Variants in ABCB4 observed in about 807,000 individuals in gnomAD.
ABCB4 encodes ATP binding cassette subfamily B member 4, also known as phosphatidylcholine translocator ABCB4.
In ABCB4, 76 loss-of-function variants were observed where a neutral mutation model predicts 145.7. The observed-to-expected ratio is 0.52, with a 90% CI of 0.43 to 0.63. ABCB4 has a LOEUF of 0.63. Ranked by LOEUF, ABCB4 falls within the 30% of genes least tolerant of loss-of-function variation. ABCB4 has a pLI of 0.00. For synonymous variants in ABCB4, 517 were observed against 566.8 expected, an observed-to-expected ratio of 0.91 and a Z score of 1.25; for missense variants, 1,234 against 1,553.1, an observed-to-expected ratio of 0.79 and a Z score of 3.45.
intron 15 of ABCB4, among the ~76,000 whole-genome samples, chr7:87,427,631 T>C (rs1020387720): frequency 3.3e-5 from 5 of 152,200 alleles, no homozygotes; most frequent in Non-Finnish European, 7.3e-5. Flanking sequence ...CACATCTTAA[T>C]AGTTTGTTCA....
Position 87,471,226 on chromosome 7 carries a change from G to A in ABCB4, c.135+1395C>T, listed in dbSNP as rs529708006. Reference sequence around the variant, plus strand: ...ACCGGGGCCTATTGTGGGGTGGGGGGATGGGGGAGGGATAGCATTAGGAGA... The same window carrying A: ...ACCGGGGCCTATTGTGGGGTGGGGGAATGGGGGAGGGATAGCATTAGGAGA... On this transcript the variant is annotated intron_variant, in intron 3 of 27. Transcript: ENST00000649586. 3.7e-3 allele frequency among the ~76,000 whole-genome samples: 559 copies of A among 149,702 alleles called. 2 individuals carry two copies. The highest frequency in any genetic ancestry group is 0.013 in the African/African-American group (525 of 40,832).
At position 87,437,269 on chromosome 7, in the gene ABCB4, A is replaced by G. The variant is rs45547643; in HGVS notation, c.1731+2398T>C. On this transcript the variant is annotated intron_variant, in intron 14 of 27. Coordinates refer to ENST00000649586, the MANE Select transcript of ABCB4 (RefSeq NM_000443.4). ...GTACACTGCCCTGAAACTTTCATAT[A>G]AGGAAGCCAGGTTAGCCTATTGTAT... 8.2e-3 allele frequency among the ~76,000 whole-genome samples: 1,247 copies of G among 152,252 alleles called. 18 individuals carry two copies. Among genetic ancestry groups the G allele is most frequent in the African/African-American group, 0.029 (1,188 of 41,540 alleles).
At chr7:87,371,779 C>A in the ABCB4 span, among the ~76,000 whole-genome samples, 1 of 151,862 alleles carries the variant, frequency 6.6e-6, no homozygotes, top group African/African-American at 2.4e-5. Flanking sequence ...TCACTTAAGG[C>A]CAAGAGTTGA....
the ABCB4 span, among the ~76,000 whole-genome samples, chr7:87,396,031 C>T: frequency 1.2e-4 from 18 of 152,216 alleles, no homozygotes; most frequent in East Asian, 2.9e-3. Flanking sequence ...AAAACTATGT[C>T]CAGATGTACA....
chr7:87,433,693 T>TTTTTTTA, intron 14 of ABCB4, among the ~76,000 whole-genome samples: 1 of 150,166 alleles, frequency 6.7e-6, no homozygotes. Context: ...TTTTTTTTTT[T>TTTTTTTA]TCAGAGCTCC....
chr7:87,420,969 AAAGG>A (rs1809375235), intron 18 of ABCB4, among the ~76,000 whole-genome samples: 1 of 152,202 alleles, frequency 6.6e-6, no homozygotes, highest in Admixed American at 6.5e-5. Context: ...CATGCAGTGT[AAAGG>A]AAGGATGACC....
At chr7:87,367,863 T>C in the ABCB4 span, among the ~76,000 whole-genome samples, 1 of 152,194 alleles carries the variant, frequency 6.6e-6, no homozygotes. Flanking sequence ...TCTTAGATTG[T>C]TCTCACCTGG....
chr7:87,399,206 G>A (rs1163429715), downstream of ABCB4: 1 of 153,398 alleles, frequency 6.5e-6, no homozygotes, highest in African/African-American at 2.4e-5. Flanking sequence ...TGGGTGCAGT[G>A]GCTCATGCCT....
chr7:87,383,030 A>G, the ABCB4 span, among the ~76,000 whole-genome samples: 1 of 152,112 alleles, frequency 6.6e-6, no homozygotes, highest in East Asian at 1.9e-4. Context: ...GATTTTTTTG[A>G]TACATGCATA....
Position 87,468,941 on chromosome 7 carries a change from T to TAAATAAAATAAGATAAAATAAGATA in ABCB4, c.135+3679_135+3680insTATCTTATTTTATCTTATTTTATTT, listed in dbSNP as rs1554416071. Among the ~76,000 whole-genome samples, 123 of 138,934 alleles carry TAAATAAAATAAGATAAAATAAGATA rather than the reference T, an allele frequency of 8.9e-4. 2 individuals are homozygous for TAAATAAAATAAGATAAAATAAGATA. The highest frequency in any genetic ancestry group is 3.1e-3 in the African/African-American group (108 of 34,574). 91.1% of individuals were successfully genotyped at this position (138,934 alleles called of 152,430 possible). A position where few individuals can be genotyped will look rare whatever the true frequency, so the allele number is the denominator to read the frequency against. ...GCGCAACTCCGTCTCAAAAAATAAA[T>TAAATAAAATAAGATAAAATAAGATA]AAATAAAATAAAATAAAATAAAATA... is the stretch of plus-strand genomic sequence containing the variant. On this transcript the variant is annotated intron_variant, in intron 3 of 27. Transcript: ENST00000649586.
the ABCB4 span, among the ~76,000 whole-genome samples, chr7:87,373,616 A>T: frequency 2.6e-5 from 4 of 152,146 alleles, no homozygotes; most frequent in African/African-American, 9.7e-5. Context: ...CAGGAATCGA[A>T]GTAGAGATAT....
At chr7:87,370,195 T>G in the ABCB4 span, among the ~76,000 whole-genome samples, 1 of 152,218 alleles carries the variant, frequency 6.6e-6, no homozygotes. Context: ...AAAATAATTT[T>G]TTTTTTGAGA....
intron 10 of ABCB4, 87 bp from the exon 11 acceptor site, chr7:87,443,860 T>A: frequency 1.0e-6 from 1 of 986,428 alleles, no homozygotes; most frequent in Non-Finnish European, 1.6e-6. Context: ...ATTCCAAAAA[T>A]AGGACCTGGA....
chr7:87,450,157 A>G, intron 7 of ABCB4, 65 bp from the exon 8 acceptor site: 1 of 1,596,186 alleles, frequency 6.3e-7, no homozygotes, highest in Non-Finnish European at 8.6e-7. Context: ...ACTCTGGTCA[A>G]CCCTTTAACC....
downstream of ABCB4, chr7:87,398,301 T>TC: frequency 1.5e-6 from 1 of 667,486 alleles, no homozygotes; most frequent in Non-Finnish European, 2.7e-6. Context: ...GCTAATTTGT[T>TC]CCCCTTTGTC....
intron 14 of ABCB4, among the ~76,000 whole-genome samples, chr7:87,432,049 T>C (rs1266907307): frequency 6.6e-6 from 1 of 152,196 alleles, no homozygotes; most frequent in Non-Finnish European, 1.5e-5. Context: ...GGTGAAAATG[T>C]ACCTTGGGAT....
At chr7:87,382,424 A>C in the ABCB4 span, 1 of 1,613,242 alleles carries the variant, frequency 6.2e-7, no homozygotes, top group Non-Finnish European at 8.5e-7. Flanking sequence ...CATCTGATCT[A>C]CAGATTGCGG....
intron 2 of ABCB4, among the ~76,000 whole-genome samples, chr7:87,474,693 A>T (rs1454456531): frequency 6.6e-6 from 1 of 152,190 alleles, no homozygotes; most frequent in Non-Finnish European, 1.5e-5. Context: ...ACAAAGACAC[A>T]CGCCATTGAC....
At chr7:87,416,443 A>G (rs144117373) in intron 21 of ABCB4, among the ~76,000 whole-genome samples, 3 of 152,370 alleles carry the variant, frequency 2.0e-5, no homozygotes, top group South Asian at 4.1e-4. Context: ...TATAAAACCT[A>G]TATCACAATT....
Sources: gnomAD v4.1 joint callset for allele counts (sites outside exome capture counted in the v4.1 genomes callset) on GRCh38, gnomAD v4.1.1 for gene constraint, MANE v1.5 for transcripts, NCBI Gene and HGNC (gene_info 2026-07-23, HGNC 2026-07-21) for gene names.